The following DELE1 variants were observed in gnomAD, a reference collection of about 807,000 sequenced individuals.
DELE1 encodes the protein death ligand signal enhancer.
Under a neutral mutation model 59.3 loss-of-function variants are expected in DELE1, and 54 were observed. The ratio of observed to expected loss-of-function variants is 0.91; its 90% CI spans 0.73 to 1.14. The LOEUF (loss-of-function observed/expected upper bound fraction) is 1.14. Among genes scored for constraint, DELE1 ranks in the 50% most tolerant of loss-of-function variants. The pLI is 0.00. For synonymous variants in DELE1, 264 were observed against 259.1 expected (o/e 1.02, Z -0.18); for missense variants, 636 against 643.9 (o/e 0.99, Z 0.13).
At chr5:141,935,573 C>G (rs1354070240) in intron 10 of DELE1, among the ~76,000 whole-genome samples, 3 of 152,166 alleles carry the variant, frequency 2.0e-5, no homozygotes, top group African/African-American at 7.2e-5. Flanking sequence ...AATGCTTTTC[C>G]TTGTCTACTC....
At chr5:141,930,315 A>G in intron 7 of DELE1, 41 bp downstream of exon 7, 1 of 1,423,818 alleles carries the variant, frequency 7.0e-7, no homozygotes, top group Non-Finnish European at 9.9e-7. Context: ...AGGGTGGGAA[A>G]ATGGAAAGGG....
At position 141,941,938 on chromosome 5, in the gene DELE1, C is replaced by A. The variant is rs912370416; in HGVS notation, c.*3179C>A. 6 of 985,052 alleles carry A rather than the reference C, an allele frequency of 6.1e-6. No homozygotes were observed. In the African/African-American group the frequency reaches 1.1e-4, roughly 17 times the overall value. 61.0% of individuals were successfully genotyped at this position (985,052 alleles called of 1,614,324 possible). On this transcript the variant is annotated 3_prime_UTR_variant, in exon 12 of 12. Transcript: ENST00000432126. ...AACTTGAATGAATAATTCTGTATTG[C>A]CCCCCACTCGCCGCCTATACACACG...
chr5:141,926,458 C>G (rs772022006), intron 3 of DELE1, among the ~76,000 whole-genome samples: 2 of 152,180 alleles, frequency 1.3e-5, no homozygotes, highest in East Asian at 3.8e-4. Context: ...AGGTCAGATT[C>G]TTACTAGTGA....
In DELE1 at chr5:141,941,687, C is replaced by G. The variant is rs890986377; in HGVS notation, c.*2928C>G. On this transcript the variant is annotated 3_prime_UTR_variant, in exon 12 of 12. Coordinates refer to ENST00000432126, the MANE Select transcript of DELE1 (RefSeq NM_014773.5). ...AGCTCTACTGCCTCAGTTTCCCTATCCGGAGATGCTGTTTTCAGGGAGTCC... is the reference window on the plus strand; with the variant it reads ...AGCTCTACTGCCTCAGTTTCCCTATGCGGAGATGCTGTTTTCAGGGAGTCC... The G allele has an allele frequency of 2.0e-6, 2 of 985,252 alleles. No homozygotes were observed. The allele number at this position is 985,252 out of a possible 1,614,324, so 61.0% of individuals were successfully genotyped here.
intron 6 of DELE1, 50 bp from the exon 7 acceptor site, chr5:141,930,128 G>A: frequency 1.9e-6 from 3 of 1,605,778 alleles, no homozygotes; most frequent in Non-Finnish European, 1.7e-6. Flanking sequence ...TGGGCAGGTG[G>A]CAATCCTGGT....
At chr5:141,932,861 G>A (rs1347170648) in intron 7 of DELE1, among the ~76,000 whole-genome samples, 1 of 151,996 alleles carries the variant, frequency 6.6e-6, no homozygotes, top group Admixed American at 6.6e-5. Context: ...TTGGGAGGCC[G>A]AGGCAGGTGG....
chr5:141,934,368 G>A lies in DELE1; in HGVS notation c.1026G>A (p.Leu342=), dbSNP rs746276415. The change falls in exon 9 of 12, where the codon CTG becomes CTA. Residue 342 remains leucine, a synonymous_variant. Coordinates refer to ENST00000432126, the MANE Select transcript of DELE1 (RefSeq NM_014773.5). ...NPERQRAVSL[L]KQAADSGLRE... is the part of the protein sequence containing the mutation. ...AGCGGCAGAGGGCAGTGTCCTTGCTGAAGCAGGCTGCAGACTCAGGCTTGA... is the reference window on the plus strand; with the variant it reads ...AGCGGCAGAGGGCAGTGTCCTTGCTAAAGCAGGCTGCAGACTCAGGCTTGA... 1.2e-6 allele frequency: 2 copies of A among 1,614,260 alleles called. No individual in the cohort carries two copies. Among genetic ancestry groups the A allele is most frequent in the Non-Finnish European group, 1.7e-6 (2 of 1,180,044 alleles).
chr5:141,937,384 G>A (rs761812611), intron 11 of DELE1, 27 bp downstream of exon 11: 1 of 1,612,100 alleles, frequency 6.2e-7, no homozygotes, highest in Admixed American at 1.7e-5. Flanking sequence ...AAGCCAACAG[G>A]TTCATTCCCT....
chr5:141,938,449 A>G (rs1006175092), intron 11 of DELE1, 72 bp from the exon 12 acceptor site: 2 of 1,551,256 alleles, frequency 1.3e-6, no homozygotes, highest in East Asian at 2.3e-5. Context: ...GCCCTTGAAG[A>G]AGTGCTGGCT....
rs11948907 is a variant in DELE1 at position 141,928,184 on chromosome 5, A to G, written c.298A>G (p.Arg100Gly). The change falls in exon 4 of 12, where the codon AGG becomes GGG. Residue 100 changes from arginine to glycine, a missense_variant. Coordinates refer to ENST00000432126, the MANE Select transcript of DELE1 (RefSeq NM_014773.5). ...TLAVLALQLA[R>G]QIHFQASLPA... is the part of the protein sequence containing the mutation. ...GGCCGTGCTGGCCCTGCAGCTGGCA[A>G]GGCAGATCCACTTCCAGGCATCCCT... 1.6e-4 allele frequency: 258 copies of G among 1,614,194 alleles called. No homozygotes were observed. The highest frequency in any genetic ancestry group is 1.8e-4 in the Non-Finnish European group (218 of 1,180,018).
At chr5:141,937,085 A>G in intron 10 of DELE1, 113 bp from the exon 11 acceptor site, 1 of 1,554,410 alleles carries the variant, frequency 6.4e-7, no homozygotes, top group Admixed American at 1.8e-5. Context: ...CTGGGCCTTG[A>G]CCGTGTGTGG....
chr5:141,939,671 C>CGCCAGG lies in DELE1; in HGVS notation c.*917_*918insGGCCAG. On this transcript the variant is annotated 3_prime_UTR_variant, in exon 12 of 12. Transcript: ENST00000432126. ...CCTTCCCCCAAATCTTAAGCACCTG[C>CGCCAGG]GCCAGTACAGTCAAGAAGAGGAAAG... is the stretch of plus-strand genomic sequence containing the variant. 1 of 985,866 alleles carries CGCCAGG rather than the reference C, an allele frequency of 1.0e-6. No individual in the cohort carries two copies. The highest frequency in any genetic ancestry group is 1.2e-6 in the Non-Finnish European group (1 of 829,966). 61.1% of individuals were successfully genotyped at this position (985,866 alleles called of 1,614,324 possible).
At chr5:141,924,318 G>A (rs1751188939) in intron 1 of DELE1, among the ~76,000 whole-genome samples, 1 of 152,204 alleles carries the variant, frequency 6.6e-6, no homozygotes. Context: ...AAACATTAGT[G>A]AGAGTATATG....
chr5:141,927,356 C>T lies in DELE1; in HGVS notation c.265-795C>T, dbSNP rs1272864304. Among the ~76,000 whole-genome samples, 4 of 152,152 alleles carry T rather than the reference C, an allele frequency of 2.6e-5. No homozygotes were observed. In the South Asian group the frequency reaches 6.2e-4, roughly 24 times the overall value. Reference sequence around the variant, plus strand: ...TTGGGATTACAGGTGTGCCCCACCACGCCTGGCTAATTCTTGTATTTTTAG... The same window carrying T: ...TTGGGATTACAGGTGTGCCCCACCATGCCTGGCTAATTCTTGTATTTTTAG... On this transcript the variant is annotated intron_variant, in intron 3 of 11. Coordinates refer to ENST00000432126, the MANE Select transcript of DELE1 (RefSeq NM_014773.5).
In DELE1 at chr5:141,938,966, A is replaced by G; in HGVS notation, c.*207A>G. On this transcript the variant is annotated 3_prime_UTR_variant, in exon 12 of 12. Coordinates refer to ENST00000432126, the MANE Select transcript of DELE1 (RefSeq NM_014773.5). ...ACAGATGAGTCTTGGATGCATTCACAGTCATTTCTGGTCTGTGCACCAAAG... is the reference window on the plus strand; with the variant it reads ...ACAGATGAGTCTTGGATGCATTCACGGTCATTTCTGGTCTGTGCACCAAAG... The G allele has an allele frequency of 1.4e-6, 2 of 1,403,278 alleles. No individual in the cohort carries two copies. Among genetic ancestry groups the G allele is most frequent in the Non-Finnish European group, 9.2e-7 (1 of 1,081,122 alleles). The allele number at this position is 1,403,278 out of a possible 1,614,324, so 86.9% of individuals were successfully genotyped here.
At position 141,938,525 on chromosome 5, in the gene DELE1, G is replaced by A. The variant is rs779788807; in HGVS notation, c.1314G>A (p.Pro438=). The A allele has an allele frequency of 5.0e-6, 8 of 1,613,494 alleles. No homozygotes were observed. The highest frequency in any genetic ancestry group is 2.7e-5 in the African/African-American group (2 of 74,866). ...TGCTCTCACCTCTTCTTGTAGCCCC[G>A]GGGCCCAGCGACCTGACAGTTACAG... ...RALFSMGAAA[P]GPSDLTVTGL... Residue 438 remains proline (P), a synonymous_variant, in exon 12 of 12, where the codon CCG becomes CCA. Transcript: ENST00000432126.
chr5:141,933,094 CAAAAAAAAA>C (rs56720043), intron 7 of DELE1, among the ~76,000 whole-genome samples, 156 bp from the exon 8 acceptor site: 3 of 101,056 alleles, frequency 3.0e-5, no homozygotes, highest in African/African-American at 1.1e-4. Flanking sequence ...GACTCCATCT[CAAAAAAAAA>C]AAAAAAAAAT....
rs1004170132 is a variant in DELE1 at position 141,941,464 on chromosome 5, C to T, written c.*2705C>T. On this transcript the variant is annotated 3_prime_UTR_variant, in exon 12 of 12. Transcript: ENST00000432126. ...CAGTCACTGCGGTCTTGATCCAGCC[C>T]CAGGGGGATGGGCTTCACTGGCAGA... 4.1e-6 allele frequency: 4 copies of T among 985,336 alleles called. No homozygotes were observed. The highest frequency in any genetic ancestry group is 3.6e-6 in the Non-Finnish European group (3 of 829,984). The allele number at this position is 985,336 out of a possible 1,614,324, so 61.0% of individuals were successfully genotyped here.
Position 141,925,517 on chromosome 5 carries a change from C to T in DELE1, c.254C>T (p.Ala85Val), listed in dbSNP as rs1363634356. The change falls in exon 3 of 12, where the codon GCC becomes GTC. Residue 85 changes from alanine (A) to valine (V), a missense_variant. Transcript: ENST00000432126. The part of the protein sequence containing the change: ...SRVSPNTLWD[A>V]ISWGTLAVLA... ...GTCTCCCCGAACACCCTATGGGATG[C>T]CATATCTTGGGTAAGGCTTCCCCAG... is the stretch of plus-strand genomic sequence containing the variant. 2 of 1,585,844 alleles carry T rather than the reference C, an allele frequency of 1.3e-6. No individual in the cohort carries two copies. Among genetic ancestry groups the T allele is most frequent in the South Asian group, 1.1e-5 (1 of 87,492 alleles).
Sources: allele counts gnomAD v4.1 joint callset (sites outside exome capture counted in the v4.1 genomes callset), GRCh38; gene constraint gnomAD v4.1.1; transcripts MANE v1.5; gene names NCBI Gene and HGNC (gene_info 2026-07-23, HGNC 2026-07-21).